RGS8: variants seen among roughly 807,000 people sequenced by gnomAD.
RGS8 encodes regulator of G protein signaling 8.
RGS8 carries 8 observed loss-of-function variants against 21.7 expected under a neutral mutation model. The ratio of observed to expected loss-of-function variants is 0.37; its 90% CI spans 0.22 to 0.66. RGS8 has a LOEUF of 0.66. Among genes scored for constraint, RGS8 ranks in the 30% least tolerant of loss-of-function variants. The probability of loss-of-function intolerance (pLI) is 0.59; values close to 1 mark genes in which losing one functional copy is unlikely to be tolerated. For synonymous variants in RGS8, 80 were observed against 83.6 expected (o/e 0.96, Z 0.24); for missense variants, 157 against 217.9 (o/e 0.72, Z 1.76).
chr1:182,720,590 G>A, the RGS8 span, among the ~76,000 whole-genome samples: 7 of 151,864 alleles, frequency 4.6e-5, no homozygotes, highest in African/African-American at 1.2e-4. Context: ...TCTCAGCATC[G>A]TCCCATTAAC....
chr1:182,646,542 G>A, exon 7 of RGS8: 1 of 568,218 alleles, frequency 1.8e-6, no homozygotes, highest in Non-Finnish European at 3.1e-6. Flanking sequence ...ACACAAACAT[G>A]GGTAAATGGA....
upstream of RGS8, among the ~76,000 whole-genome samples, chr1:182,684,994 G>A (rs756696881): frequency 2.0e-5 from 3 of 151,874 alleles, no homozygotes; most frequent in African/African-American, 2.4e-5. The surrounding 1 kb of genome is among the most constrained non-coding windows in gnomAD (Gnocchi z 4.2). Flanking sequence ...CAAGGTTGTC[G>A]CTCTCCTTTC....
chr1:182,725,706 G>A, the RGS8 span, among the ~76,000 whole-genome samples: 2 of 152,166 alleles, frequency 1.3e-5, no homozygotes, highest in African/African-American at 4.8e-5. Context: ...TGGTATTTTT[G>A]GTATTCAAGA....
the RGS8 span, chr1:182,734,495 A>C: frequency 6.6e-6 from 1 of 152,204 alleles, no homozygotes; most frequent in African/African-American, 2.4e-5. Context: ...AACCGAAAGA[A>C]TCAAGACGGT....
At chr1:182,724,458 C>A in the RGS8 span, among the ~76,000 whole-genome samples, 3 of 151,692 alleles carry the variant, frequency 2.0e-5, no homozygotes, top group African/African-American at 7.2e-5. Context: ...GTTTACACAT[C>A]CAGTTAGGTT....
the RGS8 span, among the ~76,000 whole-genome samples, chr1:182,716,166 C>A: frequency 6.7e-6 from 1 of 150,370 alleles, no homozygotes; most frequent in Non-Finnish European, 1.5e-5. Flanking sequence ...CACTTTGTCG[C>A]CCCGGCTGGA....
At chr1:182,659,381 G>A (rs538610484) in intron 5 of RGS8, among the ~76,000 whole-genome samples, 165 of 152,318 alleles carry the variant, frequency 1.1e-3, no homozygotes, top group African/African-American at 3.8e-3. Context: ...CATTCACGAA[G>A]GAATCCTTTA....
chr1:182,677,084 C>T (rs1664389026), upstream of RGS8, among the ~76,000 whole-genome samples: 1 of 152,082 alleles, frequency 6.6e-6, no homozygotes. Context: ...AAAAAAGTTT[C>T]CTAATTTAGT....
chr1:182,670,860 C>T (rs1664124405), intron 2 of RGS8, among the ~76,000 whole-genome samples: 1 of 152,176 alleles, frequency 6.6e-6, no homozygotes, highest in South Asian at 2.1e-4. Flanking sequence ...TTCTCCTAAC[C>T]AGGCTTACAC....
the RGS8 span, among the ~76,000 whole-genome samples, chr1:182,741,757 C>T: frequency 5.7e-5 from 6 of 105,990 alleles, no homozygotes; most frequent in African/African-American, 1.2e-4. Context: ...GGGGGGCTGA[C>T]CCCCCCACCT....
At chr1:182,716,201 T>C in the RGS8 span, among the ~76,000 whole-genome samples, 8 of 151,394 alleles carry the variant, frequency 5.3e-5, no homozygotes, top group Non-Finnish European at 1.2e-4. Flanking sequence ...TCATAGCTCA[T>C]TGCAACTTCC....
At position 182,669,498 on chromosome 1, in the gene RGS8, G is replaced by A. The variant is rs116497447; in HGVS notation, c.26+126C>T. ...GCAGTTCACACAGGAGGCCTATGGG[G>A]ACAGATGAAAGTAGACCACGCATGG... On this transcript the variant is annotated intron_variant, in intron 3 of 6. Transcript: ENST00000483095. The A allele has an allele frequency of 2.8e-3, 3,896 of 1,377,986 alleles. 95 individuals carry two copies. The African/African-American group carries it at 0.048, about 17-fold the overall frequency. 85.4% of individuals were successfully genotyped at this position (1,377,986 alleles called of 1,614,324 possible). A position where few individuals can be genotyped will look rare whatever the true frequency, so the allele number is the denominator to read the frequency against.
chr1:182,694,455 C>T, the RGS8 span, among the ~76,000 whole-genome samples: 2 of 152,204 alleles, frequency 1.3e-5, no homozygotes, highest in African/African-American at 2.4e-5. Context: ...TTAAAAATTC[C>T]GATGCAGCAT....
the RGS8 span, among the ~76,000 whole-genome samples, chr1:182,731,814 G>C: frequency 6.6e-6 from 1 of 152,366 alleles, no homozygotes; most frequent in South Asian, 2.1e-4. Flanking sequence ...CAGTATAATA[G>C]ATTTCTCATC....
chr1:182,681,117 A>C (rs922389786), intron 1 of RGS8, among the ~76,000 whole-genome samples: 1 of 152,262 alleles, frequency 6.6e-6, no homozygotes, highest in African/African-American at 2.4e-5. Context: ...CAGGGAGAAC[A>C]TCAGAGTCCG....
At chr1:182,675,488 T>C (rs1664326922), upstream of RGS8, among the ~76,000 whole-genome samples, 1 of 152,128 alleles carries the variant, frequency 6.6e-6, no homozygotes, top group Non-Finnish European at 1.5e-5. Context: ...ACTGAACAGA[T>C]ACCATAAAGT....
the RGS8 span, among the ~76,000 whole-genome samples, chr1:182,726,151 A>G: frequency 6.6e-6 from 1 of 151,990 alleles, no homozygotes; most frequent in African/African-American, 2.4e-5. Flanking sequence ...CTTTTGGGAA[A>G]GAATTTCATT....
chr1:182,669,543 G>T, intron 3 of RGS8, 81 bp downstream of exon 4: 1 of 1,604,084 alleles, frequency 6.2e-7, no homozygotes, highest in African/African-American at 1.3e-5. Flanking sequence ...GCTTGGGCCA[G>T]ACTCAAATAA....
At chr1:182,702,555 A>G in the RGS8 span, among the ~76,000 whole-genome samples, 2 of 152,192 alleles carry the variant, frequency 1.3e-5, no homozygotes, top group Non-Finnish European at 2.9e-5. Context: ...TAACTTTTTT[A>G]AAAAGACTTG....
Sources: gnomAD v4.1 joint callset for allele counts (sites outside exome capture counted in the v4.1 genomes callset) on GRCh38, gnomAD v4.1.1 for gene constraint, Gnocchi (gnomAD v3.1) non-coding constraint, MANE v1.5 for transcripts, NCBI Gene and HGNC (gene_info 2026-07-23, HGNC 2026-07-21) for gene names.